Variants in SANBR observed in about 807,000 individuals in gnomAD.
SANBR encodes the protein SANT and BTB domain regulator of class switch recombination.
Under a neutral mutation model 101.8 loss-of-function variants are expected in SANBR, and 77 were observed. The observed-to-expected ratio is 0.76, with a 90% CI of 0.63 to 0.91. The LOEUF is 0.91. SANBR is among the 40% of genes least tolerant of loss of function. The probability of loss-of-function intolerance (pLI) is 0.00; values close to 1 mark genes in which losing one functional copy is unlikely to be tolerated. For missense variants in SANBR, 875 were observed against 853.0 expected, an observed-to-expected ratio of 1.03 and a Z score of -0.32; for synonymous variants, 279 against 274.7, an observed-to-expected ratio of 1.02 and a Z score of -0.15.
intron 19 of SANBR, 133 bp from the exon 20 acceptor site, chr2:61,117,895 A>G: frequency 1.5e-6 from 1 of 689,030 alleles, no homozygotes; most frequent in Non-Finnish European, 2.5e-6. Context: ...TCACAGATAT[A>G]TAGATGTATG....
At chr2:61,108,282 T>A (rs1374778665) in intron 14 of SANBR, 35 bp from the exon 15 acceptor site, 1 of 1,444,022 alleles carries the variant, frequency 6.9e-7, no homozygotes, top group Non-Finnish European at 9.5e-7. Context: ...TCTAGGTAAA[T>A]GCAGATTTAT....
chr2:61,077,283 C>A, intron 6 of SANBR, 125 bp downstream of exon 6: 1 of 700,056 alleles, frequency 1.4e-6, no homozygotes, highest in Non-Finnish European at 2.5e-6. Context: ...TTAGTAACAG[C>A]CTTTTAGGAA....
In SANBR at chr2:61,115,971, A is replaced by C. The variant is rs753657180; in HGVS notation, c.1745-8A>C. The C allele has an allele frequency of 6.3e-7, 1 of 1,583,218 alleles. No homozygotes were observed. Among genetic ancestry groups the C allele is most frequent in the South Asian group, 1.1e-5 (1 of 88,942 alleles). On this transcript the variant is annotated splice_polypyrimidine_tract_variant and splice_region_variant and intron_variant, in intron 16 of 21. Transcript: ENST00000402291. ...CCTAAGTTTATAACATTGTCTTCTC[A>C]TTATCAGGGAAAAAGGAGAAGCCAA...
chr2:61,092,553 C>A lies in SANBR; in HGVS notation c.1178C>A (p.Thr393Lys), dbSNP rs764121934. The A allele has an allele frequency of 1.9e-6, 3 of 1,602,566 alleles. No homozygotes were observed. The highest frequency in any genetic ancestry group is 2.6e-6 in the Non-Finnish European group (3 of 1,175,698). Residue 393 changes from threonine (T) to lysine (K), a missense_variant, in exon 11 of 22, where the codon ACA (threonine) becomes AAA (lysine). Transcript: ENST00000402291. ...GATGTATACTGGCGATTGTGGGGAA[C>A]AATCAATTGGCTGACTTGTTCAAGA... ...WRDVYWRLWG[T>K]INWLTCSRCY...
intron 1 of SANBR, chr2:61,066,515 A>G (rs151180978): frequency 8.5e-4 from 130 of 152,626 alleles, no homozygotes; most frequent in African/African-American, 3.0e-3. Context: ...TTTCTCCTCC[A>G]GCTGACTCCG....
At chr2:61,119,519 A>G (rs1349391682) in intron 20 of SANBR, among the ~76,000 whole-genome samples, 1 of 152,248 alleles carries the variant, frequency 6.6e-6, no homozygotes, top group Non-Finnish European at 1.5e-5. Context: ...TCAAAACTCA[A>G]TAATAAAATT....
intron 5 of SANBR, 60 bp downstream of exon 5, chr2:61,073,611 ATGAT>A: frequency 1.1e-6 from 1 of 943,948 alleles, no homozygotes; most frequent in Non-Finnish European, 1.6e-6. Context: ...CATAAAATAT[ATGAT>A]TGGTGGTTAC....
intron 19 of SANBR, among the ~76,000 whole-genome samples, chr2:61,117,802 T>A (rs1402538478): frequency 6.6e-6 from 1 of 152,214 alleles, no homozygotes; most frequent in African/African-American, 2.4e-5. Flanking sequence ...TGACTGAATA[T>A]GTTTTAGGCT....
At position 61,077,000 on chromosome 2, in the gene SANBR, C is replaced by T. The variant is rs1553429478; in HGVS notation, c.512C>T (p.Ser171Leu). The T allele has an allele frequency of 6.2e-7, 1 of 1,614,094 alleles. No individual in the cohort carries two copies. The change falls in exon 6 of 22, where the codon TCA becomes TTA. Residue 171 changes from serine to leucine, a missense_variant. Ser to Leu is a moderately radical substitution (Grantham distance 145). Coordinates refer to ENST00000402291, the MANE Select transcript of SANBR (RefSeq NM_001129993.3). Reference sequence around the variant, plus strand: ...ACTTGCCCGCGAGATCTTTTGATATCAGAAATGAAGTACTTTGCTGAATAT... The same window carrying T: ...ACTTGCCCGCGAGATCTTTTGATATTAGAAATGAAGTACTTTGCTGAATAT... ...DFTCPRDLLISEMKYFAEYLS... is the reference protein window; with the variant it reads ...DFTCPRDLLILEMKYFAEYLS...
At chr2:61,129,346 A>T (rs1002949388) in intron 20 of SANBR, among the ~76,000 whole-genome samples, 8 of 151,926 alleles carry the variant, frequency 5.3e-5, no homozygotes, top group African/African-American at 1.7e-4. Context: ...CGGGAGGTTG[A>T]GGCAAGAGAA....
At chr2:61,098,290 G>A (rs1179995411) in intron 12 of SANBR, among the ~76,000 whole-genome samples, 1 of 151,906 alleles carries the variant, frequency 6.6e-6, no homozygotes, top group Non-Finnish European at 1.5e-5. Flanking sequence ...TTTTGTTAGA[G>A]ACAGGGTTTC....
At chr2:61,125,342 G>C (rs1684483325), downstream of SANBR, among the ~76,000 whole-genome samples, 1 of 152,224 alleles carries the variant, frequency 6.6e-6, no homozygotes, top group African/African-American at 2.4e-5. Context: ...CTGTGTATGT[G>C]TGTGCGTATA....
chr2:61,104,063 C>G, intron 13 of SANBR, 65 bp downstream of exon 13: 1 of 1,464,664 alleles, frequency 6.8e-7, no homozygotes, highest in Non-Finnish European at 9.4e-7. Flanking sequence ...TTCAGAATCC[C>G]TTATCCCCAA....
At chr2:61,095,679 G>T (rs1682996358) in intron 11 of SANBR, among the ~76,000 whole-genome samples, 3 of 151,902 alleles carry the variant, frequency 2.0e-5, no homozygotes, top group Non-Finnish European at 2.9e-5. Context: ...CCCTATTCAG[G>T]TTTCCCCTTC....
In SANBR at chr2:61,092,620, C is replaced by T. The variant is rs770190041; in HGVS notation, c.1212+33C>T. 3 of 1,494,966 alleles carry T rather than the reference C, an allele frequency of 2.0e-6. No individual in the cohort carries two copies. In the South Asian group the frequency reaches 4.0e-5, roughly 20 times the overall value. The allele number at this position is 1,494,966 out of a possible 1,614,324, so 92.6% of individuals were successfully genotyped here. On this transcript the variant is annotated intron_variant, in intron 11 of 21. Coordinates refer to ENST00000402291, the MANE Select transcript of SANBR (RefSeq NM_001129993.3). ...TTTTTTTTTTAAATATCCTGCTCTG[C>T]AAATATTGAGAGCAAGATTATTTTG...
At chr2:61,122,003 T>G (rs1200610619) in intron 21 of SANBR, 123 bp from the exon 22 acceptor site, 1 of 1,297,674 alleles carries the variant, frequency 7.7e-7, no homozygotes, top group Non-Finnish European at 1.0e-6. Flanking sequence ...AGAAAATGGA[T>G]TACGGAGCTG....
chr2:61,072,093 G>A (rs560354806), intron 4 of SANBR, among the ~76,000 whole-genome samples: 60 of 151,758 alleles, frequency 4.0e-4, no homozygotes, highest in Non-Finnish European at 7.8e-4. Context: ...GTGCACCACC[G>A]TGCTTGGCTA....
intron 7 of SANBR, 40 bp downstream of exon 7, chr2:61,081,550 A>C (rs752703532): frequency 1.1e-5 from 17 of 1,479,040 alleles, no homozygotes. Context: ...GCTTCTGTTC[A>C]CTTATGCTTT....
At chr2:61,081,540 G>C in intron 7 of SANBR, 30 bp downstream of exon 7, 1 of 1,501,022 alleles carries the variant, frequency 6.7e-7, no homozygotes, top group Non-Finnish European at 8.8e-7. Flanking sequence ...AAATCAAAGT[G>C]CTTCTGTTCA....
Sources: gnomAD v4.1 joint callset for allele counts (sites outside exome capture counted in the v4.1 genomes callset) on GRCh38, gnomAD v4.1.1 for gene constraint, MANE v1.5 for transcripts, NCBI Gene and HGNC (gene_info 2026-07-23, HGNC 2026-07-21) for gene names.